The following KALRN variants were observed in gnomAD, a reference collection of about 807,000 sequenced individuals.
KALRN encodes kalirin RhoGEF kinase.
KALRN carries 70 observed loss-of-function variants against 353.7 expected under a neutral mutation model. That is an observed-to-expected ratio of 0.20 (90% CI 0.16 to 0.24). The LOEUF is 0.24. Among genes scored for constraint, KALRN ranks in the 10% least tolerant of loss-of-function variants. The pLI is 1.00. For missense variants in KALRN, 2,791 were observed against 3,756.7 expected, an observed-to-expected ratio of 0.74 and a Z score of 6.72; for synonymous variants, 1,391 against 1,434.8, an observed-to-expected ratio of 0.97 and a Z score of 0.69.
intron 34 of KALRN, among the ~76,000 whole-genome samples, chr3:124,623,069 T>G (rs2079462892): frequency 6.6e-6 from 1 of 152,080 alleles, no homozygotes; most frequent in Admixed American, 6.5e-5. Flanking sequence ...GGTTTCTTTC[T>G]TTTCTTTTTT....
intron 34 of KALRN, among the ~76,000 whole-genome samples, chr3:124,594,371 G>T (rs574418132): frequency 2.0e-5 from 3 of 152,210 alleles, no homozygotes; most frequent in African/African-American, 7.2e-5. Flanking sequence ...GACTACAGGC[G>T]TGCGCCACCA....
At chr3:124,577,131 T>TCTG (rs1211048200) in intron 34 of KALRN, among the ~76,000 whole-genome samples, 1 of 151,972 alleles carries the variant, frequency 6.6e-6, no homozygotes, top group Admixed American at 6.6e-5. Context: ...TGGGGAGACA[T>TCTG]CTGTGTCCTC....
At chr3:124,408,748 A>AT (rs79835409) in intron 13 of KALRN, among the ~76,000 whole-genome samples, 17,095 of 152,096 alleles carry the variant, frequency 0.11, 1,219 homozygotes, top group Non-Finnish European at 0.16. Flanking sequence ...GTGAATTTTG[A>AT]TTCAGGCAGA....
intron 34 of KALRN, among the ~76,000 whole-genome samples, chr3:124,587,740 C>G (rs992331243): frequency 1.3e-4 from 13 of 100,840 alleles, no homozygotes; most frequent in African/African-American, 4.7e-4. Flanking sequence ...GGGTCTCACT[C>G]TGTTGCCCAG....
chr3:124,357,322 C>A (rs1020558585), intron 10 of KALRN, among the ~76,000 whole-genome samples: 1 of 152,212 alleles, frequency 6.6e-6, no homozygotes, highest in African/African-American at 2.4e-5. Context: ...TCTATCCTCA[C>A]GCTGCCACAA....
rs139044176 is a variant in KALRN, at chr3:124,308,991, T to C, written c.1092+10078T>C. On this transcript the variant is annotated intron_variant, in intron 6 of 59. Transcript: ENST00000682506. ...TATTATTACTTACCTTACGAGAAAATAGTATTATAAAGAGATGCTATAAAT... is the reference window on the plus strand; with the variant it reads ...TATTATTACTTACCTTACGAGAAAACAGTATTATAAAGAGATGCTATAAAT... Among the ~76,000 whole-genome samples, 1,396 of 151,860 alleles carry C rather than the reference T, an allele frequency of 9.2e-3. 11 individuals carry two copies. The highest frequency in any genetic ancestry group is 0.014 in the Non-Finnish European group (976 of 67,912).
At chr3:124,381,226 A>G (rs533064531) in intron 10 of KALRN, among the ~76,000 whole-genome samples, 8 of 152,304 alleles carry the variant, frequency 5.3e-5, no homozygotes, top group African/African-American at 1.9e-4. Flanking sequence ...GGTCAAATAG[A>G]AGAGTGAAGG....
chr3:124,437,934 T>C (rs2093536350), intron 17 of KALRN, among the ~76,000 whole-genome samples: 1 of 152,178 alleles, frequency 6.6e-6, no homozygotes. Flanking sequence ...TCTGGATTAC[T>C]TATAATACCT....
chr3:124,322,552 A>C (rs6784664), intron 6 of KALRN, among the ~76,000 whole-genome samples: 72,776 of 151,958 alleles, frequency 0.48, 18,711 homozygotes, highest in South Asian at 0.67. Context: ...AGCTGTAAAG[A>C]GCCAAAATAT....
intron 34 of KALRN, among the ~76,000 whole-genome samples, chr3:124,581,087 A>G (rs1317678458): frequency 2.0e-5 from 3 of 152,142 alleles, no homozygotes; most frequent in Non-Finnish European, 2.9e-5. Flanking sequence ...CCTAGAATGA[A>G]TCTCCATGAT....
At chr3:124,437,890 G>A (rs2093534795) in intron 17 of KALRN, among the ~76,000 whole-genome samples, 1 of 151,962 alleles carries the variant, frequency 6.6e-6, no homozygotes, top group African/African-American at 2.4e-5. Context: ...ACCCCTCACA[G>A]ATATGTACAT....
chr3:124,605,479 A>G (rs1294574627), intron 34 of KALRN, among the ~76,000 whole-genome samples: 1 of 151,520 alleles, frequency 6.6e-6, no homozygotes, highest in Admixed American at 6.6e-5. Context: ...AGGCTGAGGC[A>G]GGAGAATTGC....
intron 1 of KALRN, among the ~76,000 whole-genome samples, chr3:124,060,303 G>A (rs1051749605): frequency 6.6e-6 from 1 of 152,168 alleles, no homozygotes; most frequent in African/African-American, 2.4e-5. Context: ...TCTGTAATTT[G>A]CTGGGCCCAG....
chr3:124,287,241 A>G (rs1047999390), intron 5 of KALRN, among the ~76,000 whole-genome samples: 1 of 152,054 alleles, frequency 6.6e-6, no homozygotes, highest in African/African-American at 2.4e-5. Context: ...TTAGCTCTTA[A>G]TATGCCCCAC....
rs1276859855 is a variant in KALRN, at chr3:124,671,910, C to A, written c.6942+12C>A. The A allele has an allele frequency of 1.6e-5, 25 of 1,559,462 alleles. No homozygotes were observed. Among genetic ancestry groups the A allele is most frequent in the Middle Eastern group, 1.7e-4 (1 of 5,962 alleles). On this transcript the variant is annotated intron_variant, in intron 48 of 59. Transcript: ENST00000682506. ...TCGAAGCCAGCAAGGTAAGTGACAA[C>A]TCATTACTCCCACCCTTGTCACTAC...
At chr3:124,279,399 G>A (rs909720193) in intron 5 of KALRN, among the ~76,000 whole-genome samples, 10 of 152,226 alleles carry the variant, frequency 6.6e-5, no homozygotes, top group Admixed American at 5.9e-4. Context: ...TGTAGAGATA[G>A]ACTTGTGCTG....
At chr3:124,631,149 C>A (rs1042621512) in intron 34 of KALRN, among the ~76,000 whole-genome samples, 2 of 152,194 alleles carry the variant, frequency 1.3e-5, no homozygotes, top group African/African-American at 4.8e-5. Flanking sequence ...TTTACTCCTA[C>A]CTCACTGGCT....
chr3:124,156,273 C>T (rs1398115468), intron 1 of KALRN, among the ~76,000 whole-genome samples: 2 of 152,220 alleles, frequency 1.3e-5, no homozygotes, highest in Non-Finnish European at 2.9e-5. Context: ...GTTCAGCAAA[C>T]AAACCTCATT....
At chr3:124,664,806 T>C (rs2085417098) in intron 45 of KALRN, among the ~76,000 whole-genome samples, 1 of 152,218 alleles carries the variant, frequency 6.6e-6, no homozygotes, top group Non-Finnish European at 1.5e-5. Flanking sequence ...GGAAGAACAG[T>C]GAGCATGTGT....
Sources: allele counts gnomAD v4.1 joint callset (sites outside exome capture counted in the v4.1 genomes callset), GRCh38; gene constraint gnomAD v4.1.1; transcripts MANE v1.5; gene names NCBI Gene and HGNC (gene_info 2026-07-23, HGNC 2026-07-21).